The following CRADD variants were observed in gnomAD, a reference collection of about 807,000 sequenced individuals.
The protein encoded by CRADD is death domain-containing protein CRADD.
A neutral mutation model predicts 15.5 loss-of-function variants in CRADD; 9 were observed. The observed-to-expected ratio is 0.58, with a 90% confidence interval of 0.35 to 1.01. CRADD has a LOEUF of 1.01. Among genes scored for constraint, CRADD ranks in the 50% least tolerant of loss-of-function variants. CRADD has a pLI of 0.02. For missense variants in CRADD, 227 were observed against 250.3 expected (o/e 0.91, Z 0.63); for synonymous variants, 118 against 107.6 (o/e 1.10, Z -0.60).
chr12:93,704,601 C>T (rs995841612), intron 2 of CRADD, among the ~76,000 whole-genome samples: 2 of 152,198 alleles, frequency 1.3e-5, no homozygotes, highest in African/African-American at 4.8e-5. Context: ...TCCCGTAAAA[C>T]GTTTTCCACA....
intron 2 of CRADD, among the ~76,000 whole-genome samples, chr12:93,863,596 T>TTTGTGTGTG (rs1444257644): frequency 8.0e-5 from 10 of 124,850 alleles, no homozygotes; most frequent in South Asian, 5.9e-4. Flanking sequence ...GTGGAGGCAT[T>TTTGTGTGTG]TGTGTGTGTG....
At position 93,713,192 on chromosome 12, in the gene CRADD, G is replaced by T. The variant is rs373096907; in HGVS notation, c.298+34120G>T. ...CTTCCCACCACTTCAAAAGAGGTCT[G>T]TGCGGTACTCTAGGTTCAGAAACTT... On this transcript the variant is annotated intron_variant, in intron 2 of 2. Coordinates refer to ENST00000332896, the MANE Select transcript of CRADD (RefSeq NM_003805.5). 1.4e-4 allele frequency among the ~76,000 whole-genome samples: 22 copies of T among 152,228 alleles called. 3 individuals are homozygous for T. The highest frequency in any genetic ancestry group is 1.4e-3 in the Admixed American group (21 of 15,298).
intron 2 of CRADD, chr12:93,816,032 C>CT (rs1349711071): frequency 6.6e-6 from 1 of 152,166 alleles, no homozygotes; most frequent in African/African-American, 2.4e-5. Context: ...TCATGCAAGC[C>CT]ACCAATTGGA....
At chr12:93,701,984 A>G (rs1955851991) in intron 2 of CRADD, among the ~76,000 whole-genome samples, 1 of 151,376 alleles carries the variant, frequency 6.6e-6, no homozygotes, top group Admixed American at 6.6e-5. Context: ...GAACCTCCAC[A>G]GATTTTTGTG....
intron 2 of CRADD, among the ~76,000 whole-genome samples, chr12:93,771,671 A>T (rs907048894): frequency 6.6e-6 from 1 of 152,244 alleles, no homozygotes; most frequent in Non-Finnish European, 1.5e-5. Flanking sequence ...TAGGAATATC[A>T]TAGCAATAAT....
intron 2 of CRADD, among the ~76,000 whole-genome samples, chr12:93,886,864 G>T (rs1435923790): frequency 6.6e-6 from 1 of 152,132 alleles, no homozygotes; most frequent in East Asian, 1.9e-4. Flanking sequence ...CCATTTTATG[G>T]TCATGGGCAT....
At chr12:93,848,002 T>C (rs989966329) in intron 2 of CRADD, among the ~76,000 whole-genome samples, 1 of 152,212 alleles carries the variant, frequency 6.6e-6, no homozygotes, top group Non-Finnish European at 1.5e-5. Context: ...TCATATGTTA[T>C]CATTTTAAAT....
rs751510622 is a variant in CRADD at position 93,769,714 on chromosome 12, ATT to A, written c.299-80253_299-80252del. The stretch of plus-strand genomic sequence containing the variant: ...GGTAGGCTTGTTATAGTCTCTTGTG[ATT>A]TTAATTTGCATTTTCCTGTTGGCTA... On this transcript the variant is annotated intron_variant, in intron 2 of 2. Coordinates refer to ENST00000332896, the MANE Select transcript of CRADD (RefSeq NM_003805.5). 2.6e-5 allele frequency among the ~76,000 whole-genome samples: 4 copies of A among 152,080 alleles called. No individual in the cohort carries two copies. The East Asian group carries it at 7.7e-4, about 29-fold the overall frequency.
rs1289900610 is a variant in CRADD, at chr12:93,795,387, A to T, written c.299-54583A>T. Among the ~76,000 whole-genome samples the T allele has an allele frequency of 1.3e-5, 2 of 152,158 alleles. 1 individual carries two copies. Among genetic ancestry groups the T allele is most frequent in the Admixed American group, 1.3e-4 (2 of 15,276 alleles). On this transcript the variant is annotated intron_variant, in intron 2 of 2. Coordinates refer to ENST00000332896, the MANE Select transcript of CRADD (RefSeq NM_003805.5). ...TTCAACATTCTTAAATAGGTTAAAG[A>T]AGTACTGCACTTTGGGCTCTTTGTC...
chr12:93,677,535 C>T (rs568508591), intron 1 of CRADD, 63 bp downstream of exon 1: 2 of 152,288 alleles, frequency 1.3e-5, no homozygotes, highest in Non-Finnish European at 2.9e-5. Context: ...GACCTGGGCC[C>T]TGCGGGGGCT....
chr12:93,757,307 C>G (rs1247942412), intron 2 of CRADD, among the ~76,000 whole-genome samples: 1 of 152,170 alleles, frequency 6.6e-6, no homozygotes, highest in Non-Finnish European at 1.5e-5. Flanking sequence ...ACTGTCTTCT[C>G]TCTCTGGTAG....
At chr12:93,821,378 C>T (rs1244784502) in intron 2 of CRADD, among the ~76,000 whole-genome samples, 1 of 152,190 alleles carries the variant, frequency 6.6e-6, no homozygotes, top group Non-Finnish European at 1.5e-5. Flanking sequence ...GAAGGTGAGA[C>T]CAGAGAGCTG....
At chr12:93,849,759 AG>A (rs1958186743) in intron 2 of CRADD, among the ~76,000 whole-genome samples, 1 of 151,406 alleles carries the variant, frequency 6.6e-6, no homozygotes. Flanking sequence ...AAAAAAAAAA[AG>A]TTTCTGTAAA....
chr12:93,888,956 A>G (rs1958557165), intron 2 of CRADD, among the ~76,000 whole-genome samples: 1 of 152,166 alleles, frequency 6.6e-6, no homozygotes, highest in Non-Finnish European at 1.5e-5. Flanking sequence ...GAGGAGCTCC[A>G]TTTTGGAAAT....
intron 2 of CRADD, among the ~76,000 whole-genome samples, chr12:93,889,894 T>A (rs1958564711): frequency 6.6e-6 from 1 of 152,150 alleles, no homozygotes; most frequent in Non-Finnish European, 1.5e-5. Context: ...AGTGAGATTA[T>A]TTTTCTAAAA....
intron 2 of CRADD, chr12:93,708,121 T>C (rs1955990465): frequency 6.6e-6 from 1 of 152,244 alleles, no homozygotes. Flanking sequence ...GAAAGATTTA[T>C]TGAGCATCTG....
chr12:93,742,330 C>G (rs973025687), intron 2 of CRADD, among the ~76,000 whole-genome samples: 1 of 151,976 alleles, frequency 6.6e-6, no homozygotes, highest in African/African-American at 2.4e-5. Context: ...GCTCTAGGAA[C>G]TGGTGAGTGC....
chr12:93,728,013 G>T (rs775114385), intron 2 of CRADD, among the ~76,000 whole-genome samples: 3 of 152,094 alleles, frequency 2.0e-5, no homozygotes, highest in African/African-American at 4.8e-5. Flanking sequence ...GTTACTATAT[G>T]CAACTTGTTT....
intron 2 of CRADD, among the ~76,000 whole-genome samples, chr12:93,713,331 C>T (rs1036469767): frequency 5.9e-5 from 9 of 152,178 alleles, no homozygotes; most frequent in Non-Finnish European, 4.4e-5. Context: ...TATGGTTGCA[C>T]GTAGCTATGT....
Sources: allele counts gnomAD v4.1 joint callset (sites outside exome capture counted in the v4.1 genomes callset), GRCh38; gene constraint gnomAD v4.1.1; transcripts MANE v1.5; gene names NCBI Gene and HGNC (gene_info 2026-07-23, HGNC 2026-07-21).